LNPK: variants seen among roughly 807,000 people sequenced by gnomAD.
LNPK encodes endoplasmic reticulum junction formation protein lunapark.
LNPK carries 29 observed loss-of-function variants against 55.2 expected under a neutral mutation model. The ratio of observed to expected loss-of-function variants is 0.53; its 90% confidence interval spans 0.39 to 0.72. The LOEUF (loss-of-function observed/expected upper bound fraction) is 0.72, where lower values mean the gene tolerates loss of function less well. Ranked by LOEUF, LNPK falls within the 30% of genes least tolerant of loss-of-function variation. The probability of loss-of-function intolerance (pLI) is 0.00; values close to 1 mark genes in which losing one functional copy is unlikely to be tolerated. For missense variants in LNPK, 467 were observed against 494.8 expected (o/e 0.94, Z 0.53); for synonymous variants, 162 against 168.2 (o/e 0.96, Z 0.29).
intron 6 of LNPK, among the ~76,000 whole-genome samples, chr2:175,965,323 G>A (rs1686270773): frequency 6.6e-6 from 1 of 152,028 alleles, no homozygotes; most frequent in African/African-American, 2.4e-5. Flanking sequence ...CTTAATACAT[G>A]GGTTTAACTT....
At chr2:175,973,236 C>G (rs1038454960) in intron 5 of LNPK, among the ~76,000 whole-genome samples, 4 of 152,190 alleles carry the variant, frequency 2.6e-5, no homozygotes, top group African/African-American at 9.6e-5. Context: ...GAAGATGGTC[C>G]TTCTCATTTG....
chr2:175,980,200 A>G (rs528929598), intron 4 of LNPK, among the ~76,000 whole-genome samples: 2 of 152,334 alleles, frequency 1.3e-5, no homozygotes, highest in African/African-American at 2.4e-5. Flanking sequence ...AGAATATTAG[A>G]ATCCCTTACT....
chr2:175,955,092 A>G (rs1685628752), intron 8 of LNPK, among the ~76,000 whole-genome samples: 1 of 152,238 alleles, frequency 6.6e-6, no homozygotes. Flanking sequence ...ATTGGGATAG[A>G]AATGCCTTTG....
In LNPK at chr2:175,929,265, A is replaced by G; in HGVS notation, c.*702T>C. On this transcript the variant is annotated 3_prime_UTR_variant, in exon 13 of 13. Coordinates refer to ENST00000272748, the MANE Select transcript of LNPK (RefSeq NM_030650.3). ...AATATTTCCTATATGCTAGTGTGTA[A>G]ATATAAACTAATTATATACATAATG... The G allele has an allele frequency of 1.0e-6, 1 of 961,748 alleles. No homozygotes were observed. The highest frequency in any genetic ancestry group is 1.2e-6 in the Non-Finnish European group (1 of 808,002). 59.6% of individuals were successfully genotyped at this position (961,748 alleles called of 1,614,324 possible).
chr2:175,986,424 ACAT>A (rs1039750308), intron 4 of LNPK, among the ~76,000 whole-genome samples: 7 of 152,122 alleles, frequency 4.6e-5, no homozygotes, highest in Non-Finnish European at 1.0e-4. Context: ...CTCCAAAAAA[ACAT>A]CATATCTTGA....
chr2:175,975,252 T>C (rs572437966), intron 5 of LNPK, among the ~76,000 whole-genome samples: 20 of 152,336 alleles, frequency 1.3e-4, no homozygotes, highest in African/African-American at 4.3e-4. Flanking sequence ...TAGACAAGGA[T>C]ACCTGCTATT....
intron 4 of LNPK, among the ~76,000 whole-genome samples, chr2:175,982,310 T>A (rs547711897): frequency 1.3e-5 from 2 of 152,254 alleles, no homozygotes; most frequent in East Asian, 3.9e-4. Context: ...CTTAAATGAG[T>A]AGATACTTTT....
chr2:176,000,143 G>C (rs1412172607), intron 1 of LNPK, among the ~76,000 whole-genome samples: 1 of 152,124 alleles, frequency 6.6e-6, no homozygotes, highest in Non-Finnish European at 1.5e-5. Context: ...ACTCAGGTTT[G>C]GGTGTCAGAA....
intron 5 of LNPK, among the ~76,000 whole-genome samples, chr2:175,976,267 A>G (rs557342915): frequency 6.6e-6 from 1 of 152,360 alleles, no homozygotes; most frequent in South Asian, 2.1e-4. Context: ...TGAAGAAGCA[A>G]TTGTGCAAGC....
chr2:175,953,771 TA>T (rs59400321), intron 8 of LNPK, among the ~76,000 whole-genome samples: 55,793 of 132,318 alleles, frequency 0.42, 11,187 homozygotes, highest in African/African-American at 0.5. Context: ...TCCATGTTAC[TA>T]AAAAAAAAAA....
chr2:175,942,627 T>G (rs1189101234), intron 9 of LNPK, among the ~76,000 whole-genome samples: 1 of 151,788 alleles, frequency 6.6e-6, no homozygotes, highest in Non-Finnish European at 1.5e-5. Context: ...TATTTTGAAC[T>G]GAATGAAAAT....
Position 175,929,783 on chromosome 2 carries a change from C to A in LNPK, c.*184G>T. On this transcript the variant is annotated 3_prime_UTR_variant, in exon 13 of 13. Transcript: ENST00000272748. ...AAAGGATCTTACTTCACTGATATAA[C>A]TTGCTTTTAATTTTAATACCCAGTA... The A allele has an allele frequency of 7.0e-7, 1 of 1,423,080 alleles. No homozygotes were observed. The highest frequency in any genetic ancestry group is 1.6e-5 in the South Asian group (1 of 62,684). The allele number at this position is 1,423,080 out of a possible 1,614,324, so 88.2% of individuals were successfully genotyped here.
intron 8 of LNPK, among the ~76,000 whole-genome samples, chr2:175,960,776 G>GT (rs1300172582): frequency 6.6e-6 from 1 of 152,080 alleles, no homozygotes; most frequent in African/African-American, 2.4e-5. Flanking sequence ...CCAGGAGCTG[G>GT]TTTTTGAAAA....
intron 12 of LNPK, among the ~76,000 whole-genome samples, chr2:175,934,505 C>A (rs1372735008): frequency 5.3e-5 from 8 of 151,984 alleles, no homozygotes; most frequent in Non-Finnish European, 1.0e-4. Context: ...GAGACCTAGA[C>A]AAACACAACT....
At chr2:175,988,979 G>C (rs548219916) in intron 4 of LNPK, among the ~76,000 whole-genome samples, 1 of 152,128 alleles carries the variant, frequency 6.6e-6, no homozygotes, top group Admixed American at 6.5e-5. Context: ...GTTTTACCGT[G>C]TTAGCCAGGA....
intron 5 of LNPK, among the ~76,000 whole-genome samples, chr2:175,974,573 C>A (rs959572240): frequency 6.6e-6 from 1 of 152,130 alleles, no homozygotes; most frequent in African/African-American, 2.4e-5. Flanking sequence ...AAATATTATT[C>A]ATTTTACTAT....
intron 8 of LNPK, among the ~76,000 whole-genome samples, chr2:175,948,949 C>A (rs1685274673): frequency 6.6e-6 from 1 of 152,044 alleles, no homozygotes; most frequent in African/African-American, 2.4e-5. Flanking sequence ...GTTATTTTAT[C>A]TGTAAAATTA....
At chr2:175,942,799 A>T (rs1432429949) in intron 9 of LNPK, among the ~76,000 whole-genome samples, 2 of 151,618 alleles carry the variant, frequency 1.3e-5, no homozygotes, top group Non-Finnish European at 2.9e-5. Flanking sequence ...AACCCAAAGT[A>T]CAGAATAAAA....
intron 8 of LNPK, among the ~76,000 whole-genome samples, chr2:175,956,813 C>T (rs959672203): frequency 4.6e-5 from 7 of 152,210 alleles, no homozygotes; most frequent in Admixed American, 3.9e-4. Context: ...ACTTCAGCTC[C>T]TGGCCCCCTT....
Sources: gnomAD v4.1 joint callset for allele counts (sites outside exome capture counted in the v4.1 genomes callset) on GRCh38, gnomAD v4.1.1 for gene constraint, MANE v1.5 for transcripts, NCBI Gene and HGNC (gene_info 2026-07-23, HGNC 2026-07-21) for gene names.